The following BBS4 variants were observed in gnomAD, a reference collection of about 807,000 sequenced individuals.
The protein encoded by BBS4 is Bardet-Biedl syndrome 4.
BBS4 carries 58 observed loss-of-function variants against 71.4 expected under a neutral mutation model. The ratio of observed to expected loss-of-function variants is 0.81; its 90% confidence interval spans 0.66 to 1.01. The LOEUF (loss-of-function observed/expected upper bound fraction) is 1.01. BBS4 is among the 50% of genes least tolerant of loss of function. The pLI, the probability that BBS4 is intolerant of heterozygous loss-of-function variation, is 0.00. For missense variants in BBS4, 660 were observed against 607.9 expected, an observed-to-expected ratio of 1.09 and a Z score of -0.90; for synonymous variants, 228 against 216.8, an observed-to-expected ratio of 1.05 and a Z score of -0.46.
chr15:72,686,518 T>C (rs1168895952), intron 1 of BBS4: 1 of 1,509,104 alleles, frequency 6.6e-7, no homozygotes, highest in African/African-American at 1.4e-5. Context: ...TCACCAGTAA[T>C]GGCTCTTACC....
intron 1 of BBS4, among the ~76,000 whole-genome samples, chr15:72,688,431 T>TTTTTTTAG (rs2064918566): frequency 6.9e-6 from 1 of 144,580 alleles, no homozygotes; most frequent in African/African-American, 2.7e-5. Flanking sequence ...TTTTTTTTTT[T>TTTTTTTAG]GAGACGGAGT....
chr15:72,695,057 G>T, intron 1 of BBS4, 120 bp from the exon 2 acceptor site: 3 of 712,268 alleles, frequency 4.2e-6, no homozygotes, highest in African/African-American at 1.8e-5. Flanking sequence ...TCACAATATG[G>T]ATTTAATGGA....
chr15:72,725,057 T>TATAGAGAGAGAG (rs369692212), intron 8 of BBS4, among the ~76,000 whole-genome samples: 3 of 127,590 alleles, frequency 2.4e-5, no homozygotes, highest in South Asian at 2.7e-4. Flanking sequence ...TATATATATA[T>TATAGAGAGAGAG]AGAGAGAGAG....
intron 8 of BBS4, among the ~76,000 whole-genome samples, chr15:72,724,872 G>T (rs1461326790): frequency 6.6e-6 from 1 of 152,082 alleles, no homozygotes; most frequent in Non-Finnish European, 1.5e-5. Flanking sequence ...TAGCTGGGCA[G>T]CTCTATTCTA....
chr15:72,723,231 G>C (rs1284546027), intron 7 of BBS4, among the ~76,000 whole-genome samples: 2 of 152,108 alleles, frequency 1.3e-5, no homozygotes, highest in African/African-American at 4.8e-5. Flanking sequence ...CGGCAACTTA[G>C]TTTTTAGGGT....
chr15:72,686,274 G>T (rs1287414415), intron 1 of BBS4, 23 bp downstream of exon 1: 1 of 1,561,926 alleles, frequency 6.4e-7, no homozygotes. Flanking sequence ...ATTCTCTTTA[G>T]TTGCCCGGCC....
chr15:72,710,669 A>G (rs1384001423), intron 3 of BBS4, among the ~76,000 whole-genome samples: 1 of 152,164 alleles, frequency 6.6e-6, no homozygotes, highest in Admixed American at 6.5e-5. Flanking sequence ...CCTTGGTGTC[A>G]TCTTTTTTGG....
At chr15:72,688,081 T>C (rs1274589207) in intron 1 of BBS4, among the ~76,000 whole-genome samples, 2 of 148,764 alleles carry the variant, frequency 1.3e-5, no homozygotes, top group Non-Finnish European at 3.0e-5. Flanking sequence ...AAAATACTTC[T>C]AAGTAATCTT....
intron 4 of BBS4, among the ~76,000 whole-genome samples, chr15:72,714,869 A>G (rs1215851179): frequency 6.6e-6 from 1 of 152,184 alleles, no homozygotes; most frequent in Non-Finnish European, 1.5e-5. Flanking sequence ...CAGAATCTCC[A>G]TGTTGAATTT....
intron 1 of BBS4, among the ~76,000 whole-genome samples, chr15:72,694,794 A>C (rs200948230): frequency 2.9e-4 from 44 of 152,190 alleles, no homozygotes; most frequent in Middle Eastern, 3.4e-3. Flanking sequence ...AGATGATCTC[A>C]TAAGCTTCCT....
intron 2 of BBS4, among the ~76,000 whole-genome samples, chr15:72,696,883 A>G (rs3850988): frequency 0.69 from 105,074 of 151,950 alleles, 36,702 homozygotes; most frequent in Non-Finnish European, 0.75. Flanking sequence ...GAGCTATTGC[A>G]CCTGGGTTAT....
At position 72,731,432 on chromosome 15, in the gene BBS4, T is replaced by C; in HGVS notation, c.839T>C (p.Phe280Ser). 6.2e-7 allele frequency: 1 copy of C among 1,614,228 alleles called. No homozygotes were observed. Among genetic ancestry groups the C allele is most frequent in the East Asian group, 2.2e-5 (1 of 44,884 alleles). ...CTCTGGAATAACATTGGAATGTGTT[T>C]CTTTGGCAAGAAGAAATATGTGGCG... ...PPLWNNIGMC[F>S]FGKKKYVAAI... The change falls in exon 11 of 16, where the codon TTC (phenylalanine) becomes TCC (serine). Residue 280 changes from phenylalanine to serine, a missense_variant. Phe to Ser is a radical substitution (Grantham distance 155). Coordinates refer to ENST00000268057, the MANE Select transcript of BBS4 (RefSeq NM_033028.5).
chr15:72,704,398 A>T (rs1220704751), intron 2 of BBS4: 12 of 1,264,820 alleles, frequency 9.5e-6, no homozygotes, highest in Non-Finnish European at 1.2e-5. Context: ...GTGAAAGCAT[A>T]TAAGAACCAG....
chr15:72,707,485 C>A (rs1049700576), intron 2 of BBS4, among the ~76,000 whole-genome samples: 19 of 151,914 alleles, frequency 1.3e-4, no homozygotes, highest in Non-Finnish European at 2.1e-4. Flanking sequence ...GGCCTCTTTT[C>A]CATTTTTAAA....
chr15:72,700,568 T>C (rs1481371474), intron 2 of BBS4, among the ~76,000 whole-genome samples: 1 of 152,236 alleles, frequency 6.6e-6, no homozygotes, highest in Non-Finnish European at 1.5e-5. Context: ...CATATACTTA[T>C]TGGTCATATC....
At chr15:72,690,451 T>C (rs964128997) in intron 1 of BBS4, among the ~76,000 whole-genome samples, 2 of 152,242 alleles carry the variant, frequency 1.3e-5, no homozygotes, top group Non-Finnish European at 2.9e-5. Context: ...AATTCTGCTT[T>C]GTGCAGAAAG....
At chr15:72,729,424 A>G (rs2065767844) in intron 9 of BBS4, among the ~76,000 whole-genome samples, 192 bp from the exon 10 acceptor site, 1 of 151,354 alleles carries the variant, frequency 6.6e-6, no homozygotes, top group South Asian at 2.1e-4. Flanking sequence ...GTAATTTTGT[A>G]TTTTTAGTAG....
In BBS4 at chr15:72,729,676, A is replaced by G. The variant is rs1484144054; in HGVS notation, c.703A>G (p.Asn235Asp). The G allele has an allele frequency of 1.9e-6, 3 of 1,613,932 alleles. No homozygotes were observed. In the South Asian group the frequency reaches 3.3e-5, roughly 18 times the overall value. Residue 235 changes from asparagine to aspartate, a missense_variant, in exon 10 of 16, where the codon AAC becomes GAC. Asn to Asp is a conservative substitution (Grantham distance 23, BLOSUM62 1). Transcript: ENST00000268057. ...LGNALTYDPT[N>D]YKAILAAGSM... ...CAATGCACTGACTTATGACCCTACCAACTACAAGGTATTACAGGCTGTGAA... is the reference window on the plus strand; with the variant it reads ...CAATGCACTGACTTATGACCCTACCGACTACAAGGTATTACAGGCTGTGAA...
At chr15:72,710,845 C>T (rs1440136768) in intron 3 of BBS4, among the ~76,000 whole-genome samples, 4 of 151,542 alleles carry the variant, frequency 2.6e-5, no homozygotes, top group Admixed American at 2.0e-4. Context: ...GGCTAGAGTG[C>T]AGTGGCGCAA....
Sources: gnomAD v4.1 joint callset for allele counts (sites outside exome capture counted in the v4.1 genomes callset) on GRCh38, gnomAD v4.1.1 for gene constraint, MANE v1.5 for transcripts, NCBI Gene and HGNC (gene_info 2026-07-23, HGNC 2026-07-21) for gene names.